EEFSEC: variants seen among roughly 807,000 people sequenced by gnomAD.
EEFSEC encodes the protein eukaryotic elongation factor, selenocysteine-tRNA specific, also known as selenocysteine-specific elongation factor.
A neutral mutation model predicts 42.1 loss-of-function variants in EEFSEC; 43 were observed. The ratio of observed to expected loss-of-function variants is 1.02; its 90% CI spans 0.80 to 1.32. EEFSEC has a LOEUF of 1.32. Among genes scored for constraint, EEFSEC ranks in the 40% most tolerant of loss-of-function variants. The pLI, the probability that EEFSEC is intolerant of heterozygous loss-of-function variation, is 0.00. For missense variants in EEFSEC, 745 were observed against 803.6 expected, an observed-to-expected ratio of 0.93 and a Z score of 0.88; for synonymous variants, 354 against 339.1, an observed-to-expected ratio of 1.04 and a Z score of -0.48.
At chr3:128,345,442 G>T (rs1416677748) in intron 5 of EEFSEC, among the ~76,000 whole-genome samples, 2 of 152,188 alleles carry the variant, frequency 1.3e-5, no homozygotes, top group Non-Finnish European at 2.9e-5. Flanking sequence ...CAGCGCAGGG[G>T]CCAGAGAAGT....
At chr3:128,263,720 G>A (rs184580561) in intron 3 of EEFSEC, among the ~76,000 whole-genome samples, 6 of 152,320 alleles carry the variant, frequency 3.9e-5, no homozygotes, top group Non-Finnish European at 7.3e-5. Context: ...GTTCCCTTAC[G>A]AAGTGAAAAA....
chr3:128,292,462 A>C (rs2066654168), intron 4 of EEFSEC, among the ~76,000 whole-genome samples: 1 of 151,698 alleles, frequency 6.6e-6, no homozygotes, highest in Non-Finnish European at 1.5e-5. Flanking sequence ...TTTCTTTAAG[A>C]GGAGTCTTTT....
intron 3 of EEFSEC, among the ~76,000 whole-genome samples, chr3:128,262,901 CG>C (rs1460549806): frequency 6.6e-6 from 1 of 152,118 alleles, no homozygotes; most frequent in East Asian, 1.9e-4. Context: ...ACAGTTCAGC[CG>C]GGTGGAGTAG....
chr3:128,424,161 C>A, the EEFSEC span, among the ~76,000 whole-genome samples: 1 of 152,230 alleles, frequency 6.6e-6, no homozygotes, highest in Non-Finnish European at 1.5e-5. Context: ...CTGCAGGAAG[C>A]ACCCACCAGC....
At chr3:128,241,201 C>CTTTTTTTT (rs373420882) in intron 1 of EEFSEC, among the ~76,000 whole-genome samples, 21 of 80,664 alleles carry the variant, frequency 2.6e-4, no homozygotes, top group Admixed American at 3.6e-4. Flanking sequence ...CTCTCTCTCT[C>CTTTTTTTT]TTTTTTTTTT....
intron 6 of EEFSEC, 115 bp from the exon 7 acceptor site, chr3:128,407,954 A>T: frequency 9.9e-7 from 1 of 1,014,940 alleles, no homozygotes; most frequent in South Asian, 1.7e-5. Context: ...CTCAGGGCTG[A>T]TTGGCTAGGG....
chr3:128,313,196 G>A (rs1259538705), intron 4 of EEFSEC, among the ~76,000 whole-genome samples: 1 of 152,346 alleles, frequency 6.6e-6, no homozygotes, highest in South Asian at 2.1e-4. Context: ...CCAGTTGATA[G>A]TGTGCCTCTC....
At chr3:128,280,877 C>T (rs1198722594) in intron 4 of EEFSEC, among the ~76,000 whole-genome samples, 1 of 152,054 alleles carries the variant, frequency 6.6e-6, no homozygotes, top group Non-Finnish European at 1.5e-5. Flanking sequence ...TTTTTTTCCC[C>T]TCCACACTCC....
At chr3:128,233,012 G>T (rs561915573) in intron 1 of EEFSEC, among the ~76,000 whole-genome samples, 1 of 152,298 alleles carries the variant, frequency 6.6e-6, no homozygotes, top group Admixed American at 6.5e-5. Context: ...CCTCCCTAGG[G>T]GTGGGCCGCT....
intron 4 of EEFSEC, among the ~76,000 whole-genome samples, chr3:128,321,825 C>T (rs1051307520): frequency 2.3e-4 from 35 of 152,276 alleles, no homozygotes; most frequent in Non-Finnish European, 4.6e-4. Context: ...CAACAGTGGG[C>T]CCTGTCACCA....
rs1365211172 is a variant in EEFSEC, at chr3:128,371,027, T to A, written c.1600+12654T>A. ...TGGAATAGAAACTAATATTCATTGC[T>A]TGTTAAAATGAGTAGGACATTGTTC... On this transcript the variant is annotated intron_variant, in intron 6 of 6. Transcript: ENST00000254730. 2.0e-5 allele frequency among the ~76,000 whole-genome samples: 3 copies of A among 152,172 alleles called. No individual in the cohort carries two copies. The East Asian group carries it at 5.8e-4, about 29-fold the overall frequency.
the EEFSEC span, among the ~76,000 whole-genome samples, chr3:128,419,230 C>G: frequency 1.3e-5 from 2 of 152,050 alleles, no homozygotes; most frequent in African/African-American, 4.8e-5. Flanking sequence ...GGCACGGCTG[C>G]TGGTGGCAGT....
chr3:128,313,735 C>T lies in EEFSEC; in HGVS notation c.787-27498C>T, dbSNP rs560842382. ...CTCTCATGAGATGTGTGAGAAGGCC[C>T]CTCATGTGGACATATATGAATGTAG... On this transcript the variant is annotated intron_variant, in intron 4 of 6. Transcript: ENST00000254730. 3.6e-3 allele frequency among the ~76,000 whole-genome samples: 551 copies of T among 152,282 alleles called. 2 individuals carry two copies. Among genetic ancestry groups the T allele is most frequent in the Non-Finnish European group, 6.0e-3 (406 of 68,024 alleles).
intron 1 of EEFSEC, among the ~76,000 whole-genome samples, chr3:128,209,712 G>A (rs2065736396): frequency 6.6e-6 from 1 of 152,034 alleles, no homozygotes; most frequent in Admixed American, 6.6e-5. Context: ...ATATATACAC[G>A]CACACATGCT....
chr3:128,378,938 C>T lies in EEFSEC; in HGVS notation c.1600+20565C>T, dbSNP rs79318268. ...GTTCTGTCCCACACAGCTGACTGGTCGGCCAGGGAGACTCTGGAAAACAGC... is the reference window on the plus strand; with the variant it reads ...GTTCTGTCCCACACAGCTGACTGGTTGGCCAGGGAGACTCTGGAAAACAGC... On this transcript the variant is annotated intron_variant, in intron 6 of 6. Transcript: ENST00000254730. Among the ~76,000 whole-genome samples the T allele has an allele frequency of 8.4e-3, 1,281 of 152,278 alleles. 5 individuals carry two copies. Among genetic ancestry groups the T allele is most frequent in the Middle Eastern group, 0.024 (7 of 294 alleles).
intron 4 of EEFSEC, among the ~76,000 whole-genome samples, chr3:128,314,366 CAG>C (rs2066923034): frequency 1.3e-5 from 2 of 152,120 alleles, no homozygotes; most frequent in South Asian, 4.1e-4. Flanking sequence ...TTTTTTGAGA[CAG>C]AGTCTTACTC....
At chr3:128,364,765 T>A (rs2067568715) in intron 6 of EEFSEC, among the ~76,000 whole-genome samples, 1 of 152,164 alleles carries the variant, frequency 6.6e-6, no homozygotes, top group Non-Finnish European at 1.5e-5. Context: ...AAGCAGGGGC[T>A]GGGAAGGCCA....
intron 1 of EEFSEC, among the ~76,000 whole-genome samples, chr3:128,219,844 G>A (rs2065845377): frequency 6.6e-6 from 1 of 151,632 alleles, no homozygotes; most frequent in Non-Finnish European, 1.5e-5. Flanking sequence ...GTGTCCCTGG[G>A]ACCCAGTGCT....
chr3:128,235,321 G>A (rs1002131707), intron 1 of EEFSEC, among the ~76,000 whole-genome samples: 29 of 151,672 alleles, frequency 1.9e-4, no homozygotes, highest in African/African-American at 5.8e-4. Flanking sequence ...CCCCCACCTC[G>A]GCCTCCCAAA....
Sources: gnomAD v4.1 joint callset for allele counts (sites outside exome capture counted in the v4.1 genomes callset) on GRCh38, gnomAD v4.1.1 for gene constraint, MANE v1.5 for transcripts, NCBI Gene and HGNC (gene_info 2026-07-23, HGNC 2026-07-21) for gene names.